CSTF1: variants seen among roughly 807,000 people sequenced by gnomAD.
CSTF1 encodes CF-1 50 kDa subunit.
CSTF1 carries 2 observed loss-of-function variants against 40.9 expected under a neutral mutation model. The observed-to-expected ratio is 0.05, with a 90% CI of 0.02 to 0.15. The LOEUF is 0.15. Among genes scored for constraint, CSTF1 ranks in the 10% least tolerant of loss-of-function variants. The pLI, the probability that CSTF1 is intolerant of heterozygous loss-of-function variation, is 1.00. For missense variants in CSTF1, 279 were observed against 558.9 expected, an observed-to-expected ratio of 0.50 and a Z score of 5.05; for synonymous variants, 218 against 207.2, an observed-to-expected ratio of 1.05 and a Z score of -0.45.
At chr20:56,400,387 A>G (rs1486500471) in intron 5 of CSTF1, among the ~76,000 whole-genome samples, 1 of 152,218 alleles carries the variant, frequency 6.6e-6, no homozygotes, top group Non-Finnish European at 1.5e-5. Context: ...TATTTATTAT[A>G]AAGAACTACT....
Position 56,403,761 on chromosome 20 carries a change from T to G in CSTF1, c.*34T>G, listed in dbSNP as rs1284643125. On this transcript the variant is annotated 3_prime_UTR_variant, in exon 6 of 6. Transcript: ENST00000217109. ...CTCCGTAGGGTTCTTTCTCGAGGAC[T>G]CTACCCTCCTCCCCCACGTCCTGTC... The G allele has an allele frequency of 1.1e-5, 18 of 1,576,604 alleles. No individual in the cohort carries two copies. The highest frequency in any genetic ancestry group is 1.6e-5 in the Non-Finnish European group (18 of 1,155,860).
Position 56,397,064 on chromosome 20 carries a change from TA to T in CSTF1, c.170-140del. ...AGCATGGGCAAAATACACAGTTTTG[TA>T]AAGTGTTAGGTGTCACGCGGCTCCA... On this transcript the variant is annotated intron_variant, in intron 2 of 5. Coordinates refer to ENST00000217109, the MANE Select transcript of CSTF1 (RefSeq NM_001324.3). The surrounding 1 kb of genome is among the most constrained non-coding windows in gnomAD (Gnocchi z 4.4). 1.2e-6 allele frequency: 1 copy of T among 834,730 alleles called. No homozygotes were observed. Among genetic ancestry groups the T allele is most frequent in the Non-Finnish European group, 1.8e-6 (1 of 544,258 alleles). The allele number at this position is 834,730 out of a possible 1,614,324, so 51.7% of individuals were successfully genotyped here.
chr20:56,393,131 T>TATAC lies in CSTF1; in HGVS notation c.-33+419_-33+420insTACA, dbSNP rs1555858061. ...GGGCCACTTAAAATATATATATATA[T>TATAC]ACACACACACACACATATACATATA... On this transcript the variant is annotated intron_variant, in intron 1 of 5. Coordinates refer to ENST00000217109, the MANE Select transcript of CSTF1 (RefSeq NM_001324.3). Among the ~76,000 whole-genome samples, 1,125 of 135,882 alleles carry TATAC rather than the reference T, an allele frequency of 8.3e-3. 19 individuals are homozygous for TATAC. Among genetic ancestry groups the TATAC allele is most frequent in the African/African-American group, 0.026 (904 of 34,788 alleles). 89.1% of individuals were successfully genotyped at this position (135,882 alleles called of 152,430 possible).
chr20:56,399,676 A>G lies in CSTF1; in HGVS notation c.1036+319A>G, dbSNP rs1470221461. ...CATGCCCTCTTCCCACAGAAATGTGAAAGCAATCCAGAGAAAAGTTTCCAA... is the reference window on the plus strand; with the variant it reads ...CATGCCCTCTTCCCACAGAAATGTGGAAGCAATCCAGAGAAAAGTTTCCAA... On this transcript the variant is annotated intron_variant, in intron 5 of 5. Coordinates refer to ENST00000217109, the MANE Select transcript of CSTF1 (RefSeq NM_001324.3). The surrounding 1 kb of genome is among the most constrained non-coding windows in gnomAD (Gnocchi z 4.6). 9.2e-5 allele frequency among the ~76,000 whole-genome samples: 14 copies of G among 152,240 alleles called. No homozygotes were observed. Among genetic ancestry groups the G allele is most frequent in the Non-Finnish European group, 1.8e-4 (12 of 68,040 alleles).
At chr20:56,396,523 C>G (rs1271539420) in intron 2 of CSTF1, among the ~76,000 whole-genome samples, 1 of 152,156 alleles carries the variant, frequency 6.6e-6, no homozygotes, top group Non-Finnish European at 1.5e-5. Context: ...CAACATGTTA[C>G]ACAGCATTGC....
Position 56,405,664 on chromosome 20 carries a change from G to T in CSTF1, c.*1937G>T, listed in dbSNP as rs576049608. On this transcript the variant is annotated 3_prime_UTR_variant, in exon 6 of 6. Coordinates refer to ENST00000217109, the MANE Select transcript of CSTF1 (RefSeq NM_001324.3). ...AGATTTCCAAAGAGCCATATTTTTTGATGCATATTTCCAGTTGAATTCCAG... is the reference window on the plus strand; with the variant it reads ...AGATTTCCAAAGAGCCATATTTTTTTATGCATATTTCCAGTTGAATTCCAG... The T allele has an allele frequency of 2.6e-5, 4 of 152,242 alleles. No homozygotes were observed. Among genetic ancestry groups the T allele is most frequent in the South Asian group, 2.1e-4 (1 of 4,830 alleles). The allele number at this position is 152,242 out of a possible 1,614,324, so 9.4% of individuals were successfully genotyped here.
At position 56,397,574 on chromosome 20, in the gene CSTF1, T is replaced by C. The variant is rs11697071; in HGVS notation, c.448-70T>C. On this transcript the variant is annotated intron_variant, in intron 3 of 5. Transcript: ENST00000217109. This position sits in a 1 kb window ranked among gnomAD's most constrained non-coding sequence, Gnocchi z 4.4. ...ATGGTTGAAACCAGCTTTAGTTTGC[T>C]ACAGTTGTGGATTGTGCACTTGGAT... 1.3e-6 allele frequency: 2 copies of C among 1,598,466 alleles called. No homozygotes were observed. Among genetic ancestry groups the C allele is most frequent in the South Asian group, 2.2e-5 (2 of 90,598 alleles).
rs1978350744 is a variant in CSTF1, at chr20:56,399,234, G to T, written c.913G>T (p.Asp305Tyr). 1 of 1,614,110 alleles carries T rather than the reference G, an allele frequency of 6.2e-7. No homozygotes were observed. Among genetic ancestry groups the T allele is most frequent in the Admixed American group, 1.7e-5 (1 of 60,004 alleles). ...RCITTFEKAH[D>Y]GAEVCSAIFS... is the part of the protein sequence containing the mutation. ...CATCACAACTTTTGAGAAAGCACAT[G>T]ACGGTGCTGAAGTTTGTTCTGCCAT... Residue 305 changes from aspartate (D) to tyrosine (Y), a missense_variant, in exon 5 of 6, where the codon GAC becomes TAC. Transcript: ENST00000217109. The surrounding 1 kb of genome is among the most constrained non-coding windows in gnomAD (Gnocchi z 4.6).
Position 56,397,514 on chromosome 20 carries a change from T to A in CSTF1, c.447+30T>A. The A allele has an allele frequency of 6.2e-7, 1 of 1,605,738 alleles. No homozygotes were observed. The highest frequency in any genetic ancestry group is 8.5e-7 in the Non-Finnish European group (1 of 1,175,108). Reference sequence around the variant, plus strand: ...AAATTCCAGTCACATACTTATTGATTGCCTTCTGTTTTTCATTTTTGGAAA... The same window carrying A: ...AAATTCCAGTCACATACTTATTGATAGCCTTCTGTTTTTCATTTTTGGAAA... On this transcript the variant is annotated intron_variant, in intron 3 of 5. Coordinates refer to ENST00000217109, the MANE Select transcript of CSTF1 (RefSeq NM_001324.3). The surrounding 1 kb of genome is among the most constrained non-coding windows in gnomAD (Gnocchi z 4.4).
intron 5 of CSTF1, among the ~76,000 whole-genome samples, chr20:56,400,363 G>C (rs976886400): frequency 1.1e-4 from 17 of 152,160 alleles, no homozygotes; most frequent in Non-Finnish European, 2.4e-4. Context: ...CTTGTATAAA[G>C]TTGTTCTGAA....
In CSTF1 at chr20:56,406,230, A is replaced by G. The variant is rs1978698688; in HGVS notation, c.*2503A>G. 1 of 151,870 alleles carries G rather than the reference A, an allele frequency of 6.6e-6. No homozygotes were observed. The highest frequency in any genetic ancestry group is 2.4e-5 in the African/African-American group (1 of 41,330). The allele number at this position is 151,870 out of a possible 1,614,324, so 9.4% of individuals were successfully genotyped here. A position where few individuals can be genotyped will look rare whatever the true frequency, so the allele number is the denominator to read the frequency against. ...AATATTATATGGACTTAGTATCTGCATCTCGTTAATTGTACCACACAACAC... is the reference window on the plus strand; with the variant it reads ...AATATTATATGGACTTAGTATCTGCGTCTCGTTAATTGTACCACACAACAC... On this transcript the variant is annotated 3_prime_UTR_variant, in exon 6 of 6. Transcript: ENST00000217109.
In CSTF1 at chr20:56,403,967, T is replaced by C. The variant is rs1978591696; in HGVS notation, c.*240T>C. The C allele has an allele frequency of 4.3e-6, 2 of 461,266 alleles. No homozygotes were observed. Among genetic ancestry groups the C allele is most frequent in the Non-Finnish European group, 7.7e-6 (2 of 259,576 alleles). 28.6% of individuals were successfully genotyped at this position (461,266 alleles called of 1,614,324 possible). A position where few individuals can be genotyped will look rare whatever the true frequency, so the allele number is the denominator to read the frequency against. ...ACTGATTATTACAGTGTGATTTTCA[T>C]CGGTTTTGTAAGTACAGGACTTGCC... On this transcript the variant is annotated 3_prime_UTR_variant, in exon 6 of 6. Coordinates refer to ENST00000217109, the MANE Select transcript of CSTF1 (RefSeq NM_001324.3).
chr20:56,397,342 G>C lies in CSTF1; in HGVS notation c.305G>C (p.Cys102Ser). 1 of 1,614,166 alleles carries C rather than the reference G, an allele frequency of 6.2e-7. No individual in the cohort carries two copies. The highest frequency in any genetic ancestry group is 8.5e-7 in the Non-Finnish European group (1 of 1,180,032). ...CCAGAGGCTTCTGAGTACGAAACAT[G>C]CTATGTCACATCACATAAAGGACCA... ...MSPEASEYET[C>S]YVTSHKGPCR... The change falls in exon 3 of 6, where the codon TGC becomes TCC. Residue 102 changes from cysteine to serine, a missense_variant. Cys to Ser is a moderately radical substitution (Grantham distance 112). Transcript: ENST00000217109. The surrounding 1 kb of genome is among the most constrained non-coding windows in gnomAD (Gnocchi z 4.4).
intron 5 of CSTF1, among the ~76,000 whole-genome samples, chr20:56,402,890 A>T (rs944002787): frequency 1.3e-5 from 2 of 151,322 alleles, no homozygotes; most frequent in African/African-American, 4.9e-5. Context: ...AGCCGAGATC[A>T]CGCCACTGCA....
chr20:56,397,035 G>C lies in CSTF1; in HGVS notation c.170-172G>C, dbSNP rs1987536888. 1 of 688,134 alleles carries C rather than the reference G, an allele frequency of 1.5e-6. No homozygotes were observed. The highest frequency in any genetic ancestry group is 2.0e-5 in the South Asian group (1 of 50,184). 42.6% of individuals were successfully genotyped at this position (688,134 alleles called of 1,614,324 possible). ...GTGGCCTCACAGCGTGGTGAACTTT[G>C]AATAGCATGGGCAAAATACACAGTT... On this transcript the variant is annotated intron_variant, in intron 2 of 5. Transcript: ENST00000217109. The surrounding 1 kb of genome is among the most constrained non-coding windows in gnomAD (Gnocchi z 4.4).
rs865854736 is a variant in CSTF1, at chr20:56,398,816, G to T, written c.646-151G>T. 46 of 640,094 alleles carry T rather than the reference G, an allele frequency of 7.2e-5. No individual in the cohort carries two copies. The African/African-American group carries it at 7.8e-4, about 11-fold the overall frequency. 39.7% of individuals were successfully genotyped at this position (640,094 alleles called of 1,614,324 possible). ...ATCTATTCAAAAAATACTTTCATAT[G>T]TTCCAGAAAGCACTTTTTTTCTTAT... is the stretch of plus-strand genomic sequence containing the variant. On this transcript the variant is annotated intron_variant, in intron 4 of 5. Transcript: ENST00000217109.
Position 56,397,619 on chromosome 20 carries a change from T to C in CSTF1, c.448-25T>C, listed in dbSNP as rs752390009. The C allele has an allele frequency of 3.5e-5, 56 of 1,610,970 alleles. No homozygotes were observed. Among genetic ancestry groups the C allele is most frequent in the Non-Finnish European group, 4.8e-5 (56 of 1,177,254 alleles). ...TTGGATTCAGACACATTCTGTGCCT[T>C]GAGCATCTCTTCTTGTTGGTCTAGG... On this transcript the variant is annotated intron_variant, in intron 3 of 5. Transcript: ENST00000217109. The surrounding 1 kb of genome is among the most constrained non-coding windows in gnomAD (Gnocchi z 4.4).
chr20:56,399,931 G>A lies in CSTF1; in HGVS notation c.1036+574G>A, dbSNP rs1212872894. On this transcript the variant is annotated intron_variant, in intron 5 of 5. Transcript: ENST00000217109. This position sits in a 1 kb window ranked among gnomAD's most constrained non-coding sequence, Gnocchi z 4.6. ...AGTGCCTGTGGAGTCTTTTTATAAT[G>A]AAATCCATTTAAATTTATCCTATCA... Among the ~76,000 whole-genome samples the A allele has an allele frequency of 6.6e-6, 1 of 152,148 alleles. No individual in the cohort carries two copies. The highest frequency in any genetic ancestry group is 1.5e-5 in the Non-Finnish European group (1 of 68,026).
rs533296996 is a variant in CSTF1, at chr20:56,395,901, G to A, written c.169+180G>A. On this transcript the variant is annotated intron_variant, in intron 2 of 5. Coordinates refer to ENST00000217109, the MANE Select transcript of CSTF1 (RefSeq NM_001324.3). ...CTCAGTAAGTAAGGGGTAAAGCAAA[G>A]TTCAGATTATGAAGACCTTAAGCTG... The A allele has an allele frequency of 3.1e-5, 19 of 617,814 alleles. No individual in the cohort carries two copies. In the African/African-American group the frequency reaches 3.3e-4, roughly 11 times the overall value. The allele number at this position is 617,814 out of a possible 1,614,324, so 38.3% of individuals were successfully genotyped here.
Sources: allele counts gnomAD v4.1 joint callset (sites outside exome capture counted in the v4.1 genomes callset), GRCh38; gene constraint gnomAD v4.1.1; non-coding constraint Gnocchi (gnomAD v3.1); transcripts MANE v1.5; gene names NCBI Gene and HGNC (gene_info 2026-07-23, HGNC 2026-07-21).